CMIP: variants seen among roughly 807,000 people sequenced by gnomAD.
CMIP encodes c-Maf inducing protein.
CMIP carries 13 observed loss-of-function variants against 97.3 expected under a neutral mutation model. The observed-to-expected ratio is 0.13, with a 90% CI of 0.09 to 0.21. The LOEUF is 0.21. CMIP is among the 10% of genes least tolerant of loss of function. The pLI is 1.00. For missense variants in CMIP, 847 were observed against 1,024.9 expected (o/e 0.83, Z 2.37); for synonymous variants, 538 against 436.3 (o/e 1.23, Z -2.91).
intron 10 of CMIP, among the ~76,000 whole-genome samples, chr16:81,685,199 C>G (rs182439610): frequency 6.6e-6 from 1 of 152,226 alleles, no homozygotes; most frequent in Non-Finnish European, 1.5e-5. Flanking sequence ...AGGAAGTCCA[C>G]TTGCCCTCTC....
At chr16:81,541,053 A>G (rs974415197) in intron 1 of CMIP, among the ~76,000 whole-genome samples, 1 of 151,488 alleles carries the variant, frequency 6.6e-6, no homozygotes, top group African/African-American at 2.4e-5. Flanking sequence ...CCCTCTGTTA[A>G]GTCTTGATGA....
intron 1 of CMIP, among the ~76,000 whole-genome samples, chr16:81,532,850 C>G (rs2966107): frequency 0.019 from 2,914 of 152,308 alleles, 44 homozygotes; most frequent in Middle Eastern, 0.072. Context: ...TCCTGCGCCT[C>G]TCTGCCCAGA....
At chr16:81,502,735 T>C (rs2089636171) in intron 1 of CMIP, among the ~76,000 whole-genome samples, 1 of 152,230 alleles carries the variant, frequency 6.6e-6, no homozygotes, top group South Asian at 2.1e-4. Context: ...ACAATATGGC[T>C]GTTAACTAAG....
chr16:81,642,549 C>T (rs2092318310), intron 3 of CMIP, among the ~76,000 whole-genome samples: 1 of 152,128 alleles, frequency 6.6e-6, no homozygotes, highest in African/African-American at 2.4e-5. Context: ...GGCACGGGGA[C>T]AGGGCAAAAA....
At chr16:81,600,569 TGCCTGGC>T (rs1370732594) in intron 1 of CMIP, among the ~76,000 whole-genome samples, 1 of 152,220 alleles carries the variant, frequency 6.6e-6, no homozygotes, top group Non-Finnish European at 1.5e-5. Flanking sequence ...GGCTAGTGGC[TGCCTGGC>T]GCCTGGGGAT....
At chr16:81,704,219 C>A in intron 18 of CMIP, 134 bp downstream of exon 18, 1 of 559,762 alleles carries the variant, frequency 1.8e-6, no homozygotes, top group South Asian at 1.9e-5. Context: ...CCTGCCCCCT[C>A]CCCCTCCTCC....
intron 1 of CMIP, among the ~76,000 whole-genome samples, chr16:81,479,358 TA>T (rs1182584724): frequency 1.4e-4 from 22 of 152,304 alleles, no homozygotes; most frequent in African/African-American, 5.3e-4. Flanking sequence ...AAAATACACG[TA>T]ACATAAAATG....
intron 2 of CMIP, chr16:81,620,176 A>C (rs1054634286): frequency 5.9e-5 from 9 of 152,190 alleles, no homozygotes; most frequent in African/African-American, 2.2e-4. Context: ...ATTGAGGCTG[A>C]GATGTCCAAA....
intron 3 of CMIP, among the ~76,000 whole-genome samples, chr16:81,626,837 A>C (rs2092077553): frequency 8.8e-6 from 1 of 113,284 alleles, no homozygotes; most frequent in Non-Finnish European, 1.8e-5. Flanking sequence ...TGGGGTGACT[A>C]TTTTATGAGT....
chr16:81,629,200 C>T (rs2092119303), intron 3 of CMIP, among the ~76,000 whole-genome samples: 1 of 149,388 alleles, frequency 6.7e-6, no homozygotes, highest in African/African-American at 2.5e-5. Flanking sequence ...TAGGCAGGCC[C>T]CTGTTTCTCA....
chr16:81,474,003 A>G (rs1054550060), intron 1 of CMIP, among the ~76,000 whole-genome samples: 2 of 152,022 alleles, frequency 1.3e-5, no homozygotes, highest in African/African-American at 4.8e-5. Context: ...ATCCCCAGAC[A>G]GTTCCGAGGT....
At chr16:81,584,988 A>G (rs1009678795) in intron 1 of CMIP, among the ~76,000 whole-genome samples, 1 of 152,244 alleles carries the variant, frequency 6.6e-6, no homozygotes, top group Admixed American at 6.5e-5. Flanking sequence ...AATTCATTGC[A>G]TTCGTGTGGA....
intron 1 of CMIP, chr16:81,533,848 T>C (rs1185148700): frequency 6.6e-6 from 1 of 152,320 alleles, no homozygotes; most frequent in Non-Finnish European, 1.5e-5. Flanking sequence ...GTGGAGTCCA[T>C]GCAGGGCCGC....
chr16:81,447,052 C>A (rs539102858), intron 1 of CMIP, among the ~76,000 whole-genome samples: 1 of 152,138 alleles, frequency 6.6e-6, no homozygotes, highest in African/African-American at 2.4e-5. Context: ...GCCCGTCCCG[C>A]GCCACAGGCC....
chr16:81,636,696 T>A (rs2092240961), intron 3 of CMIP, among the ~76,000 whole-genome samples: 1 of 152,188 alleles, frequency 6.6e-6, no homozygotes, highest in Non-Finnish European at 1.5e-5. Flanking sequence ...TTTTTTCCTT[T>A]ATTTCTCTTT....
At chr16:81,589,106 C>G (rs1368566147) in intron 1 of CMIP, among the ~76,000 whole-genome samples, 5 of 143,386 alleles carry the variant, frequency 3.5e-5, no homozygotes, top group Non-Finnish European at 7.7e-5. Flanking sequence ...TTTTTCTTTT[C>G]TTTTTGAGGC....
At chr16:81,493,372 G>A (rs881005) in intron 1 of CMIP, among the ~76,000 whole-genome samples, 29,901 of 151,948 alleles carry the variant, frequency 0.2, 3,592 homozygotes, top group Admixed American at 0.31. Context: ...GTTACCTGTC[G>A]TTACCTGTCG....
chr16:81,532,324 T>C (rs1178938450), intron 1 of CMIP, among the ~76,000 whole-genome samples: 1 of 152,258 alleles, frequency 6.6e-6, no homozygotes. Flanking sequence ...TGTGCGTGTA[T>C]GTTCCACACG....
chr16:81,522,262 T>C (rs1047576349), intron 1 of CMIP, among the ~76,000 whole-genome samples: 14 of 152,162 alleles, frequency 9.2e-5, no homozygotes, highest in African/African-American at 3.4e-4. Context: ...GGTTGGGCCC[T>C]GTCATCAGAG....
Sources: allele counts gnomAD v4.1 joint callset (sites outside exome capture counted in the v4.1 genomes callset), GRCh38; gene constraint gnomAD v4.1.1; transcripts MANE v1.5; gene names NCBI Gene and HGNC (gene_info 2026-07-23, HGNC 2026-07-21).